NCAM2: variants seen among roughly 807,000 people sequenced by gnomAD.
NCAM2 encodes the protein neural cell adhesion molecule 2.
NCAM2 carries 30 observed loss-of-function variants against 98.1 expected under a neutral mutation model. That is an observed-to-expected ratio of 0.31 (90% CI 0.23 to 0.41). The LOEUF (loss-of-function observed/expected upper bound fraction) is 0.41. Among genes scored for constraint, NCAM2 ranks in the 10% least tolerant of loss-of-function variants. The pLI, the probability that NCAM2 is intolerant of heterozygous loss-of-function variation, is 1.00. For missense variants in NCAM2, 867 were observed against 1,005.8 expected (o/e 0.86, Z 1.87); for synonymous variants, 368 against 342.4 (o/e 1.07, Z -0.83).
intron 9 of NCAM2, among the ~76,000 whole-genome samples, chr21:21,378,006 A>T (rs1263833622): frequency 6.6e-6 from 1 of 152,020 alleles, no homozygotes; most frequent in Admixed American, 6.6e-5. Flanking sequence ...TGTGCAAATG[A>T]CAAGATTTAT....
rs34199074 is a variant in NCAM2 at position 21,391,925 on chromosome 21, CA to C, written c.1195+17921del. ...ATTATCAATGAGTTCAGTCTAATGC[CA>C]AAAAAAAATTCTTATTTTTAAAAAA... On this transcript the variant is annotated intron_variant, in intron 9 of 17. Transcript: ENST00000400546. Among the ~76,000 whole-genome samples the C allele has an allele frequency of 3.6e-3, 540 of 151,100 alleles. 3 individuals are homozygous for C. Among genetic ancestry groups the C allele is most frequent in the African/African-American group, 0.012 (494 of 41,202 alleles).
chr21:21,041,248 G>A (rs563481989), intron 1 of NCAM2, among the ~76,000 whole-genome samples: 3 of 152,136 alleles, frequency 2.0e-5, no homozygotes, highest in Admixed American at 6.5e-5. Flanking sequence ...GAATATTACA[G>A]AATTAGTACA....
At chr21:21,354,426 T>C (rs981690602) in intron 8 of NCAM2, among the ~76,000 whole-genome samples, 4 of 152,214 alleles carry the variant, frequency 2.6e-5, no homozygotes, top group African/African-American at 9.6e-5. Context: ...TTATTTATTC[T>C]TATCTGTACC....
chr21:21,264,464 C>A (rs891033367), intron 1 of NCAM2, among the ~76,000 whole-genome samples: 1 of 151,916 alleles, frequency 6.6e-6, no homozygotes, highest in Admixed American at 6.6e-5. Flanking sequence ...AAAAATAGAA[C>A]TACCATTTGA....
At chr21:21,195,783 C>T (rs2068983277) in intron 1 of NCAM2, among the ~76,000 whole-genome samples, 1 of 152,086 alleles carries the variant, frequency 6.6e-6, no homozygotes, top group African/African-American at 2.4e-5. Context: ...ATGCACACTC[C>T]AAAGTGTAAA....
rs574420565 is a variant in NCAM2, at chr21:21,278,550, T to C, written c.56-2028T>C. 2.0e-5 allele frequency among the ~76,000 whole-genome samples: 3 copies of C among 152,302 alleles called. No homozygotes were observed. In the East Asian group the frequency reaches 5.8e-4, roughly 29 times the overall value. ...TTTTCTTATTCTTTCTGACTTGCAC[T>C]TTTATTTTTCTTTCTGAAACGTTAG... is the stretch of plus-strand genomic sequence containing the variant. On this transcript the variant is annotated intron_variant, in intron 1 of 17. Transcript: ENST00000400546.
chr21:21,202,757 T>C (rs544547093), intron 1 of NCAM2, among the ~76,000 whole-genome samples: 2 of 152,290 alleles, frequency 1.3e-5, no homozygotes, highest in African/African-American at 2.4e-5. Context: ...TAATTTTGAA[T>C]AGGTTGAACT....
chr21:21,147,185 T>G (rs1319293232), intron 1 of NCAM2: 1 of 985,426 alleles, frequency 1.0e-6, no homozygotes, highest in Admixed American at 6.1e-5. Flanking sequence ...TACCGCTGCC[T>G]TCTACTTCAG....
At chr21:21,504,144 C>A (rs1177568044) in intron 15 of NCAM2, among the ~76,000 whole-genome samples, 2 of 151,634 alleles carry the variant, frequency 1.3e-5, no homozygotes, top group Non-Finnish European at 2.9e-5. Context: ...TGGTGAATAT[C>A]CAAGATAAAA....
At chr21:21,358,034 A>G (rs1425637638) in intron 8 of NCAM2, among the ~76,000 whole-genome samples, 1 of 152,180 alleles carries the variant, frequency 6.6e-6, no homozygotes, top group Non-Finnish European at 1.5e-5. Flanking sequence ...AACAGAGATT[A>G]TAGATAATAG....
chr21:21,537,106 T>A (rs1478936052), intron 17 of NCAM2, among the ~76,000 whole-genome samples: 2 of 152,072 alleles, frequency 1.3e-5, no homozygotes, highest in African/African-American at 2.4e-5. Context: ...TAATAATAAT[T>A]ATTATTATTT....
intron 15 of NCAM2, among the ~76,000 whole-genome samples, chr21:21,487,173 G>A (rs150893410): frequency 6.6e-6 from 1 of 152,162 alleles, no homozygotes; most frequent in African/African-American, 2.4e-5. Context: ...AAGTTTTAAT[G>A]TGTTGCTGAG....
intron 1 of NCAM2, among the ~76,000 whole-genome samples, chr21:21,229,448 C>A (rs1366155433): frequency 6.6e-6 from 1 of 151,400 alleles, no homozygotes; most frequent in East Asian, 1.9e-4. Context: ...TTAATAAATA[C>A]TTTCTATTGC....
Position 21,411,079 on chromosome 21 carries a change from T to C in NCAM2, c.1383+618T>C, listed in dbSNP as rs13047653. Among the ~76,000 whole-genome samples the C allele has an allele frequency of 2.0e-3, 122 of 61,244 alleles. 5 individuals carry two copies. The highest frequency in any genetic ancestry group is 5.5e-3 in the African/African-American group (70 of 12,616). The allele number at this position is 61,244 out of a possible 152,430, so 40.2% of individuals were successfully genotyped here. A position where few individuals can be genotyped will look rare whatever the true frequency, so the allele number is the denominator to read the frequency against. On this transcript the variant is annotated intron_variant, in intron 10 of 17. Coordinates refer to ENST00000400546, the MANE Select transcript of NCAM2 (RefSeq NM_004540.5). ...GTATATATATATATATACACACACA[T>C]ATATATATGTGTGTATATATATACA...
chr21:21,443,068 G>A (rs1424855396), intron 12 of NCAM2, among the ~76,000 whole-genome samples: 2 of 152,116 alleles, frequency 1.3e-5, no homozygotes, highest in Non-Finnish European at 2.9e-5. Flanking sequence ...ATTTTGGTAT[G>A]TTGTGTCTCT....
At position 21,335,587 on chromosome 21, in the gene NCAM2, A is replaced by G; in HGVS notation, c.820A>G (p.Ser274Gly). 1.2e-6 allele frequency: 2 copies of G among 1,612,062 alleles called. No homozygotes were observed. Among genetic ancestry groups the G allele is most frequent in the Non-Finnish European group, 1.7e-6 (2 of 1,178,976 alleles). ...TELTVRNIIN[S>G]DGGPYVCRAT... ...ACTCACTGTCAGGAACATAATCAAT[A>G]GTGATGGTGGTCCTTATGTCTGCAG... The change falls in exon 7 of 18, where the codon AGT becomes GGT. Residue 274 changes from serine (S) to glycine (G), a missense_variant. Coordinates refer to ENST00000400546, the MANE Select transcript of NCAM2 (RefSeq NM_004540.5).
intron 8 of NCAM2, among the ~76,000 whole-genome samples, chr21:21,355,980 A>C (rs1458680043): frequency 6.6e-6 from 1 of 152,154 alleles, no homozygotes; most frequent in Non-Finnish European, 1.5e-5. Context: ...AAATACACAT[A>C]AATTGTAGTT....
At chr21:21,537,792 G>C (rs1990061742) in intron 17 of NCAM2, 54 bp from the exon 18 acceptor site, 4 of 862,752 alleles carry the variant, frequency 4.6e-6, no homozygotes, top group Non-Finnish European at 7.3e-6. Flanking sequence ...AAAGGTTAAG[G>C]TACGTCTCCT....
chr21:21,030,494 T>G (rs1329562592), intron 1 of NCAM2, among the ~76,000 whole-genome samples: 3 of 152,198 alleles, frequency 2.0e-5, no homozygotes, highest in Non-Finnish European at 4.4e-5. Context: ...TGGGATTGTT[T>G]TAAACTCACC....
Sources: gnomAD v4.1 joint callset for allele counts (sites outside exome capture counted in the v4.1 genomes callset) on GRCh38, gnomAD v4.1.1 for gene constraint, MANE v1.5 for transcripts, NCBI Gene and HGNC (gene_info 2026-07-23, HGNC 2026-07-21) for gene names.